PLA2G6: variants seen among roughly 807,000 people sequenced by gnomAD.
The protein encoded by PLA2G6 is phospholipase A2 group VI, also known as 85/88 kDa calcium-independent phospholipase A2.
Under a neutral mutation model 83.8 loss-of-function variants are expected in PLA2G6, and 62 were observed. That is an observed-to-expected ratio of 0.74 (90% CI 0.60 to 0.91). PLA2G6 has a LOEUF of 0.91. Among genes scored for constraint, PLA2G6 ranks in the 40% least tolerant of loss-of-function variants. The pLI is 0.00. For missense variants in PLA2G6, 944 were observed against 1,102.0 expected, an observed-to-expected ratio of 0.86 and a Z score of 2.03; for synonymous variants, 417 against 449.8, an observed-to-expected ratio of 0.93 and a Z score of 0.92.
At chr22:38,172,697 C>T (rs759951395) in intron 1 of PLA2G6, among the ~76,000 whole-genome samples, 1 of 152,152 alleles carries the variant, frequency 6.6e-6, no homozygotes, top group African/African-American at 2.4e-5. Flanking sequence ...CACAGGGACG[C>T]GGAGGGGTGC....
At position 38,134,948 on chromosome 22, in the gene PLA2G6, C is replaced by T. The variant is rs147915418; in HGVS notation, c.894+40G>A. The stretch of plus-strand genomic sequence containing the variant: ...GAGGGCCCTGAGGACCTGCGGGGCC[C>T]GGCCCCCTGCCCCACCCACCCACCT... On this transcript the variant is annotated intron_variant, in intron 6 of 16. Coordinates refer to ENST00000332509, the MANE Select transcript of PLA2G6 (RefSeq NM_003560.4). 408 of 1,391,906 alleles carry T rather than the reference C, an allele frequency of 2.9e-4. 3 individuals are homozygous for T. The African/African-American group carries it at 5.4e-3, about 19-fold the overall frequency. 86.2% of individuals were successfully genotyped at this position (1,391,906 alleles called of 1,614,324 possible).
chr22:38,114,144 T>C (rs2087044731), intron 14 of PLA2G6, among the ~76,000 whole-genome samples: 1 of 150,994 alleles, frequency 6.6e-6, no homozygotes, highest in African/African-American at 2.4e-5. Context: ...GGTAGGGAAG[T>C]AGGGGCTAAG....
chr22:38,158,992 A>G (rs11570625), intron 2 of PLA2G6, among the ~76,000 whole-genome samples: 32 of 152,064 alleles, frequency 2.1e-4, no homozygotes, highest in Non-Finnish European at 1.2e-4. Context: ...TGAGGTCAGG[A>G]GTTCGAGACC....
Position 38,112,050 on chromosome 22 carries a change from G to T in PLA2G6, c.*111C>A. 1 of 1,283,082 alleles carries T rather than the reference G, an allele frequency of 7.8e-7. No individual in the cohort carries two copies. Among genetic ancestry groups the T allele is most frequent in the Non-Finnish European group, 1.1e-6 (1 of 906,914 alleles). 79.5% of individuals were successfully genotyped at this position (1,283,082 alleles called of 1,614,324 possible). On this transcript the variant is annotated 3_prime_UTR_variant, in exon 17 of 17. Coordinates refer to ENST00000332509, the MANE Select transcript of PLA2G6 (RefSeq NM_003560.4). ...TGGCATTCTCCCAGGCCTGGTCTAT[G>T]GACTCAGAGGTGCCTGGGCCCAGAT...
intron 6 of PLA2G6, chr22:38,134,786 C>A (rs560823891): frequency 5.1e-6 from 3 of 585,624 alleles, no homozygotes; most frequent in South Asian, 2.0e-5. Context: ...AGGCACAGGG[C>A]GGATCCCCCC....
At chr22:38,176,158 G>C (rs535889124) in intron 1 of PLA2G6, among the ~76,000 whole-genome samples, 1 of 152,126 alleles carries the variant, frequency 6.6e-6, no homozygotes, top group South Asian at 2.1e-4. Flanking sequence ...CTAAGTGATC[G>C]GACTGATCCA....
At chr22:38,148,690 C>CTAGGAA (rs1892791360) in intron 2 of PLA2G6, 2 of 632,340 alleles carry the variant, frequency 3.2e-6, no homozygotes, top group African/African-American at 3.7e-5. Flanking sequence ...ACTACGTAGC[C>CTAGGAA]TAGGAATAAG....
At chr22:38,158,755 T>C (rs977612786) in intron 2 of PLA2G6, among the ~76,000 whole-genome samples, 2 of 152,206 alleles carry the variant, frequency 1.3e-5, no homozygotes, top group South Asian at 2.1e-4. Flanking sequence ...GACAACTGTT[T>C]TATATATGTT....
chr22:38,144,848 A>C, intron 3 of PLA2G6: 1 of 207,608 alleles, frequency 4.8e-6, no homozygotes, highest in Non-Finnish European at 9.8e-6. Flanking sequence ...AAAATAAAAT[A>C]AAATAAAATA....
At chr22:38,158,174 T>C (rs1235131769) in intron 2 of PLA2G6, among the ~76,000 whole-genome samples, 1 of 149,610 alleles carries the variant, frequency 6.7e-6, no homozygotes, top group African/African-American at 2.4e-5. Context: ...TCTTTTCTTT[T>C]TTTTTTTTTT....
At chr22:38,145,220 A>C in intron 3 of PLA2G6, 6 of 603,804 alleles carry the variant, frequency 9.9e-6, no homozygotes, top group South Asian at 9.4e-5. Context: ...CGTAGAGACA[A>C]GGTCTTGCTA....
intron 2 of PLA2G6, among the ~76,000 whole-genome samples, chr22:38,168,494 C>T (rs2090307929): frequency 6.6e-6 from 1 of 152,224 alleles, no homozygotes; most frequent in Non-Finnish European, 1.5e-5. Flanking sequence ...GAGGCAACAG[C>T]TCTGTCCAGC....
chr22:38,168,408 T>A (rs1005080694), intron 2 of PLA2G6, among the ~76,000 whole-genome samples: 3 of 152,240 alleles, frequency 2.0e-5, no homozygotes, highest in Non-Finnish European at 2.9e-5. Flanking sequence ...AGCTCTGCCG[T>A]TGGCCCGGTT....
chr22:38,161,571 T>C (rs746851708), intron 2 of PLA2G6, among the ~76,000 whole-genome samples: 22 of 151,964 alleles, frequency 1.4e-4, no homozygotes, highest in Non-Finnish European at 3.1e-4. Flanking sequence ...AGAGGGGAGA[T>C]AATTGTTCAA....
intron 12 of PLA2G6, chr22:38,116,413 T>G (rs2087201549): frequency 1.4e-6 from 1 of 726,064 alleles, no homozygotes; most frequent in Non-Finnish European, 2.5e-6. Context: ...GGTCCAACCT[T>G]GGGGGCACAA....
At chr22:38,127,680 A>G (rs1477621974) in intron 9 of PLA2G6, among the ~76,000 whole-genome samples, 3 of 152,120 alleles carry the variant, frequency 2.0e-5, no homozygotes, top group South Asian at 2.1e-4. Context: ...CTCCCAAACA[A>G]TGGAGGTCCC....
At chr22:38,116,034 G>A in intron 13 of PLA2G6, 41 bp downstream of exon 13, 2 of 1,609,944 alleles carry the variant, frequency 1.2e-6, no homozygotes, top group East Asian at 4.5e-5. Flanking sequence ...CAGCCTCTCG[G>A]GCCAGTCGCT....
intron 2 of PLA2G6, among the ~76,000 whole-genome samples, chr22:38,156,353 T>A (rs567592443): frequency 1.5e-4 from 23 of 152,314 alleles, no homozygotes; most frequent in African/African-American, 5.5e-4. Context: ...GAACATTTCA[T>A]CCAACGGCTG....
intron 9 of PLA2G6, chr22:38,126,660 G>T (rs2087879712): frequency 1.7e-6 from 1 of 584,822 alleles, no homozygotes; most frequent in Non-Finnish European, 3.1e-6. Context: ...GGGCTGGAGT[G>T]GAAAGGGGGG....
Sources: allele counts gnomAD v4.1 joint callset (sites outside exome capture counted in the v4.1 genomes callset), GRCh38; gene constraint gnomAD v4.1.1; transcripts MANE v1.5; gene names NCBI Gene and HGNC (gene_info 2026-07-23, HGNC 2026-07-21).